The following TENM3 variants were observed in gnomAD, a reference collection of about 807,000 sequenced individuals.
TENM3 encodes teneurin-3.
Under a neutral mutation model 255.1 loss-of-function variants are expected in TENM3, and 63 were observed. The observed-to-expected ratio is 0.25, with a 90% CI of 0.20 to 0.30. The LOEUF (loss-of-function observed/expected upper bound fraction) is 0.30. Among genes scored for constraint, TENM3 ranks in the 10% least tolerant of loss-of-function variants. TENM3 has a pLI of 1.00. For synonymous variants in TENM3, 1,306 were observed against 1,322.3 expected, an observed-to-expected ratio of 0.99 and a Z score of 0.27; for missense variants, 2,929 against 3,461.1, an observed-to-expected ratio of 0.85 and a Z score of 3.86.
intron 24 of TENM3, among the ~76,000 whole-genome samples, chr4:182,782,334 G>C (rs1163472461): frequency 1.4e-4 from 18 of 131,202 alleles, no homozygotes; most frequent in Non-Finnish European, 2.1e-4. Context: ...TTCAGGAACA[G>C]GTTGTTCAGT....
chr4:182,066,861 A>G, the TENM3 span, among the ~76,000 whole-genome samples: 3 of 152,182 alleles, frequency 2.0e-5, no homozygotes, highest in Non-Finnish European at 4.4e-5. Context: ...CAGTGAGCCG[A>G]GATCGCACCG....
rs569349214 is a variant in TENM3, at chr4:182,321,627, A to AAAT, written c.-75-2298_-75-2296dup. Among the ~76,000 whole-genome samples, 421 of 150,062 alleles carry AAAT rather than the reference A, an allele frequency of 2.8e-3. 1 individual carries two copies. Among genetic ancestry groups the AAAT allele is most frequent in the South Asian group, 0.014 (64 of 4,670 alleles). The stretch of plus-strand genomic sequence containing the variant: ...GGCAACAGAGCAAGACTCTGTCTCA[A>AAAT]AATAATAATAATAATAATAATAAAA... On this transcript the variant is annotated intron_variant, in intron 1 of 27. Transcript: ENST00000511685.
intron 2 of TENM3, among the ~76,000 whole-genome samples, chr4:182,331,138 A>G (rs1340231533): frequency 6.6e-6 from 1 of 152,202 alleles, no homozygotes; most frequent in African/African-American, 2.4e-5. Context: ...AGTCTGACCA[A>G]TTTAGCAAAA....
chr4:181,586,241 C>T, the TENM3 span, among the ~76,000 whole-genome samples: 61 of 152,246 alleles, frequency 4.0e-4, no homozygotes, highest in African/African-American at 1.4e-3. Flanking sequence ...TCGGTTCTCA[C>T]GCAGCTAATG....
the TENM3 span, among the ~76,000 whole-genome samples, chr4:181,478,435 A>C: frequency 6.6e-6 from 1 of 152,150 alleles, no homozygotes; most frequent in Admixed American, 6.5e-5. Flanking sequence ...GAACTCGATC[A>C]CGCTCCTACT....
chr4:181,696,986 C>CTTG, the TENM3 span, among the ~76,000 whole-genome samples: 1 of 152,226 alleles, frequency 6.6e-6, no homozygotes, highest in Non-Finnish European at 1.5e-5. Flanking sequence ...CAGATTTCAT[C>CTTG]TTGTTGTTGT....
the TENM3 span, among the ~76,000 whole-genome samples, chr4:182,036,130 C>T: frequency 2.8e-3 from 425 of 152,260 alleles, 1 homozygote; most frequent in African/African-American, 9.5e-3. Flanking sequence ...TCCCTTGGTC[C>T]TTCTGTGCTG....
chr4:181,494,192 A>G, the TENM3 span, among the ~76,000 whole-genome samples: 1 of 152,220 alleles, frequency 6.6e-6, no homozygotes, highest in Non-Finnish European at 1.5e-5. Flanking sequence ...AATGACTTAT[A>G]TTCTCCATCA....
At chr4:182,624,014 G>A (rs1042889627) in intron 4 of TENM3, among the ~76,000 whole-genome samples, 3 of 151,992 alleles carry the variant, frequency 2.0e-5, no homozygotes, top group South Asian at 2.1e-4. Flanking sequence ...TATCACCTCC[G>A]TTCTCTGTCT....
At chr4:181,956,626 A>G in the TENM3 span, among the ~76,000 whole-genome samples, 3 of 152,206 alleles carry the variant, frequency 2.0e-5, no homozygotes, top group Admixed American at 1.3e-4. Flanking sequence ...ACTGTGCTGG[A>G]GAGTTACAAG....
chr4:181,560,723 C>A, the TENM3 span, among the ~76,000 whole-genome samples: 1 of 152,128 alleles, frequency 6.6e-6, no homozygotes, highest in Non-Finnish European at 1.5e-5. Context: ...TGACTCTACC[C>A]GTGAGGAACC....
chr4:182,631,992 T>G (rs1751415782), intron 5 of TENM3, among the ~76,000 whole-genome samples: 1 of 152,136 alleles, frequency 6.6e-6, no homozygotes, highest in Non-Finnish European at 1.5e-5. Context: ...TTTCTATTTC[T>G]TCAAAATTTC....
At chr4:181,603,604 A>C in the TENM3 span, among the ~76,000 whole-genome samples, 2 of 152,158 alleles carry the variant, frequency 1.3e-5, no homozygotes, top group African/African-American at 2.4e-5. Flanking sequence ...TCAGTAAAAA[A>C]TGATATGAAA....
intron 1 of TENM3, among the ~76,000 whole-genome samples, chr4:182,211,757 A>G (rs1030436344): frequency 3.9e-5 from 6 of 152,188 alleles, no homozygotes; most frequent in Admixed American, 6.5e-5. Context: ...TGATTTACCA[A>G]ATATTTATTT....
chr4:182,262,921 G>A (rs577939960), intron 1 of TENM3, among the ~76,000 whole-genome samples: 3 of 151,950 alleles, frequency 2.0e-5, no homozygotes, highest in Non-Finnish European at 4.4e-5. Flanking sequence ...CACCGTGTTA[G>A]CCAGGATGGT....
the TENM3 span, among the ~76,000 whole-genome samples, chr4:181,627,606 A>G: frequency 6.6e-6 from 1 of 152,060 alleles, no homozygotes; most frequent in African/African-American, 2.4e-5. Context: ...TGTTCTTGCA[A>G]TAGTTTGCTG....
the TENM3 span, among the ~76,000 whole-genome samples, chr4:181,529,749 C>T: frequency 4.6e-5 from 7 of 152,334 alleles, no homozygotes; most frequent in East Asian, 1.2e-3. Context: ...CAGGGGCAAA[C>T]ATTCGCGAGA....
intron 3 of TENM3, among the ~76,000 whole-genome samples, chr4:182,589,510 T>TA (rs1488267583): frequency 6.7e-6 from 1 of 149,894 alleles, no homozygotes. Context: ...ATCTGACAGA[T>TA]ACACTTACCC....
intron 3 of TENM3, among the ~76,000 whole-genome samples, chr4:182,416,961 T>C (rs1311978428): frequency 6.6e-6 from 1 of 152,136 alleles, no homozygotes; most frequent in Non-Finnish European, 1.5e-5. Flanking sequence ...GTGGTCAATT[T>C]ACATTTTCTT....
Sources: allele counts gnomAD v4.1 joint callset (sites outside exome capture counted in the v4.1 genomes callset), GRCh38; gene constraint gnomAD v4.1.1; transcripts MANE v1.5; gene names NCBI Gene and HGNC (gene_info 2026-07-23, HGNC 2026-07-21).